The following LRP1B variants were observed in gnomAD, a reference collection of about 807,000 sequenced individuals.
LRP1B encodes LDL receptor related protein 1B, also known as low-density lipoprotein receptor-related protein 1B.
LRP1B carries 217 observed loss-of-function variants against 556.6 expected under a neutral mutation model. The ratio of observed to expected loss-of-function variants is 0.39; its 90% CI spans 0.35 to 0.44. The LOEUF (loss-of-function observed/expected upper bound fraction) is 0.44, where lower values mean the gene tolerates loss of function less well. Ranked by LOEUF, LRP1B falls within the 20% of genes least tolerant of loss-of-function variation. LRP1B has a pLI of 1.00. For synonymous variants in LRP1B, 2,047 were observed against 1,865.8 expected (o/e 1.10, Z -2.50); for missense variants, 5,053 against 5,620.8 (o/e 0.90, Z 3.23).
rs371294091 is a variant in LRP1B at position 140,571,946 on chromosome 2, A to G, written c.7194+26685T>C. The stretch of plus-strand genomic sequence containing the variant: ...TTGGGAAAACTAGATATCCATATGC[A>G]GATGAATGAAACTAGAACCTTGTAT... On this transcript the variant is annotated intron_variant, in intron 43 of 90. Coordinates refer to ENST00000389484, the MANE Select transcript of LRP1B (RefSeq NM_018557.3). Among the ~76,000 whole-genome samples the G allele has an allele frequency of 7.9e-5, 12 of 151,888 alleles. No homozygotes were observed. The South Asian group carries it at 2.3e-3, about 29-fold the overall frequency.
chr2:141,025,825 T>A (rs1272380485), intron 11 of LRP1B, among the ~76,000 whole-genome samples: 1 of 152,060 alleles, frequency 6.6e-6, no homozygotes, highest in Non-Finnish European at 1.5e-5. Flanking sequence ...TGAAAATGAT[T>A]TTGCTGAATG....
intron 7 of LRP1B, among the ~76,000 whole-genome samples, chr2:141,132,932 A>G (rs1407240209): frequency 6.6e-6 from 1 of 152,010 alleles, no homozygotes; most frequent in African/African-American, 2.4e-5. Context: ...CTCTTGCACA[A>G]TCAAAAATGA....
At chr2:142,012,671 T>G (rs1322715384) in intron 1 of LRP1B, among the ~76,000 whole-genome samples, 2 of 152,162 alleles carry the variant, frequency 1.3e-5, no homozygotes, top group African/African-American at 4.8e-5. Context: ...GTTTTAGCAT[T>G]CTACTACACT....
chr2:141,605,382 A>T (rs377753923), intron 2 of LRP1B, among the ~76,000 whole-genome samples: 17 of 151,668 alleles, frequency 1.1e-4, no homozygotes, highest in South Asian at 4.2e-4. Context: ...TTTTTATTTT[A>T]TTTTTTTTGA....
chr2:141,624,833 G>A (rs149678102), intron 2 of LRP1B, among the ~76,000 whole-genome samples: 9,598 of 152,100 alleles, frequency 0.063, 503 homozygotes, highest in South Asian at 0.15. Context: ...GCAGTGGCGC[G>A]ATCTCGGCTC....
intron 7 of LRP1B, among the ~76,000 whole-genome samples, chr2:141,091,405 CAAA>C (rs1363624982): frequency 1.3e-5 from 2 of 152,090 alleles, no homozygotes; most frequent in African/African-American, 4.8e-5. Context: ...TGATAAAAAA[CAAA>C]AACAACAACA....
At chr2:140,901,498 G>A (rs1694103648) in intron 23 of LRP1B, among the ~76,000 whole-genome samples, 1 of 152,182 alleles carries the variant, frequency 6.6e-6, no homozygotes, top group Admixed American at 6.6e-5. Flanking sequence ...ATACAGGCAT[G>A]TGATGCAGAA....
At chr2:141,381,677 A>C (rs1689647993) in intron 3 of LRP1B, among the ~76,000 whole-genome samples, 1 of 152,204 alleles carries the variant, frequency 6.6e-6, no homozygotes, top group South Asian at 2.1e-4. Flanking sequence ...AAGCTTAATA[A>C]AGACAGTCAA....
At chr2:141,810,113 A>AAAAGAAAGAAAGAAAGAAAG (rs67681645) in intron 2 of LRP1B, among the ~76,000 whole-genome samples, 166 bp downstream of exon 2, 23 of 77,930 alleles carry the variant, frequency 3.0e-4, no homozygotes, top group Admixed American at 8.4e-4. Context: ...GAAAGAAAGA[A>AAAAGAAAGAAAGAAAGAAAG]AAAGAAAGAA....
intron 2 of LRP1B, among the ~76,000 whole-genome samples, chr2:141,699,906 T>G (rs1691875318): frequency 6.7e-6 from 1 of 149,456 alleles, no homozygotes; most frequent in Admixed American, 6.8e-5. Flanking sequence ...ATTCTTAGCC[T>G]CCAGGGCACA....
intron 2 of LRP1B, among the ~76,000 whole-genome samples, chr2:141,770,817 T>C (rs147450749): frequency 6.6e-6 from 1 of 152,296 alleles, no homozygotes; most frequent in East Asian, 1.9e-4. Context: ...AGTGTGGAAA[T>C]GAGTTGCCTG....
chr2:141,920,361 T>G (rs1700153586), intron 1 of LRP1B, among the ~76,000 whole-genome samples: 1 of 151,514 alleles, frequency 6.6e-6, no homozygotes, highest in African/African-American at 2.4e-5. Context: ...ATTAATCACA[T>G]ATAACACGAT....
At chr2:141,757,889 A>ATTAGTCAATTTT (rs6146943) in intron 2 of LRP1B, among the ~76,000 whole-genome samples, 1 of 151,498 alleles carries the variant, frequency 6.6e-6, no homozygotes, top group East Asian at 1.9e-4. Flanking sequence ...CCCATAGCTT[A>ATTAGTCAATTTT]TTAATTCAGC....
At chr2:140,602,483 G>T (rs1217373995) in intron 41 of LRP1B, among the ~76,000 whole-genome samples, 2 of 151,912 alleles carry the variant, frequency 1.3e-5, no homozygotes, top group Non-Finnish European at 2.9e-5. Flanking sequence ...ATTATTCTGA[G>T]CATGTTTAAT....
chr2:141,340,277 C>T (rs143852057), intron 3 of LRP1B, among the ~76,000 whole-genome samples: 1 of 152,300 alleles, frequency 6.6e-6, no homozygotes, highest in African/African-American at 2.4e-5. Flanking sequence ...TTACAAGCCT[C>T]ATGTGAGAAG....
intron 75 of LRP1B, among the ~76,000 whole-genome samples, chr2:140,354,301 G>A (rs1682111987): frequency 6.6e-6 from 1 of 152,070 alleles, no homozygotes; most frequent in Non-Finnish European, 1.5e-5. Context: ...CAGAGGTAGA[G>A]ACACTTGTAA....
At chr2:141,159,764 A>G (rs929817436) in intron 7 of LRP1B, among the ~76,000 whole-genome samples, 10 of 152,248 alleles carry the variant, frequency 6.6e-5, no homozygotes, top group African/African-American at 1.9e-4. Context: ...TCAACATTTT[A>G]GCATTTTGCT....
intron 1 of LRP1B, among the ~76,000 whole-genome samples, chr2:141,998,153 C>A (rs1702552287): frequency 6.6e-6 from 1 of 152,058 alleles, no homozygotes; most frequent in South Asian, 2.1e-4. Flanking sequence ...TGGGCTTCAC[C>A]TAGAGCTCAG....
chr2:141,580,798 G>A (rs1417485478), intron 2 of LRP1B, among the ~76,000 whole-genome samples: 1 of 152,158 alleles, frequency 6.6e-6, no homozygotes. Context: ...TTATACTAAA[G>A]TCACTGAAGT....
Sources: allele counts gnomAD v4.1 joint callset (sites outside exome capture counted in the v4.1 genomes callset), GRCh38; gene constraint gnomAD v4.1.1; transcripts MANE v1.5; gene names NCBI Gene and HGNC (gene_info 2026-07-23, HGNC 2026-07-21).